SYNE1: variants seen among roughly 807,000 people sequenced by gnomAD.
SYNE1 encodes spectrin repeat containing nuclear envelope protein 1.
A neutral mutation model predicts 1,111.0 loss-of-function variants in SYNE1; 616 were observed. The observed-to-expected ratio is 0.55, with a 90% CI of 0.52 to 0.59. The LOEUF is 0.59. Ranked by LOEUF, SYNE1 falls within the 20% of genes least tolerant of loss-of-function variation. The pLI is 0.00. For missense variants in SYNE1, 10,006 were observed against 10,417.0 expected, an observed-to-expected ratio of 0.96 and a Z score of 1.72; for synonymous variants, 3,855 against 3,825.8, an observed-to-expected ratio of 1.01 and a Z score of -0.28.
At chr6:152,186,323 G>A (rs1332523855) in intron 128 of SYNE1, among the ~76,000 whole-genome samples, 2 of 152,128 alleles carry the variant, frequency 1.3e-5, no homozygotes, top group Non-Finnish European at 2.9e-5. Flanking sequence ...TTGGGAGGCT[G>A]AGGTGGGCAG....
intron 70 of SYNE1, among the ~76,000 whole-genome samples, chr6:152,351,730 C>T (rs1026689683): frequency 6.6e-6 from 1 of 152,108 alleles, no homozygotes; most frequent in Non-Finnish European, 1.5e-5. Context: ...CTGGAGGATC[C>T]AAATACCTGG....
At position 152,318,777 on chromosome 6, in the gene SYNE1, G is replaced by T. The variant is rs534244501; in HGVS notation, c.16389+86C>A. 13 of 1,529,444 alleles carry T rather than the reference G, an allele frequency of 8.5e-6. No individual in the cohort carries two copies. In the South Asian group the frequency reaches 1.6e-4, roughly 18 times the overall value. 94.7% of individuals were successfully genotyped at this position (1,529,444 alleles called of 1,614,324 possible). A position where few individuals can be genotyped will look rare whatever the true frequency, so the allele number is the denominator to read the frequency against. ...TTGGTTTTAAAAAAGGTTCCTAAAA[G>T]GTTTTTATCCTATATCCCCAAGTAA... On this transcript the variant is annotated intron_variant, in intron 85 of 145. Coordinates refer to ENST00000367255, the MANE Select transcript of SYNE1 (RefSeq NM_182961.4).
intron 39 of SYNE1, among the ~76,000 whole-genome samples, chr6:152,420,403 T>G (rs572421720): frequency 6.6e-6 from 1 of 152,310 alleles, no homozygotes; most frequent in East Asian, 1.9e-4. Context: ...CTGGATCACT[T>G]GAAGTCAGGA....
intron 4 of SYNE1, among the ~76,000 whole-genome samples, chr6:152,528,136 T>C (rs2099172709): frequency 6.6e-6 from 1 of 152,178 alleles, no homozygotes; most frequent in African/African-American, 2.4e-5. Context: ...TTCTCCTCTC[T>C]TCTTCCTAAC....
chr6:152,435,611 T>C, intron 33 of SYNE1: 1 of 343,262 alleles, frequency 2.9e-6, no homozygotes, highest in East Asian at 5.1e-5. Context: ...CAGAATAATA[T>C]AGTAAAAAAA....
chr6:152,455,927 T>G lies in SYNE1; in HGVS notation c.2686A>C (p.Arg896=). 1.2e-6 allele frequency: 2 copies of G among 1,614,134 alleles called. No homozygotes were observed. The highest frequency in any genetic ancestry group is 1.7e-6 in the Non-Finnish European group (2 of 1,179,994). ...ATATCTGCAATCTGTCTTTGTAGCC[T>G]CGTCTGATCAAAATGCTTTAACACG... The part of the protein sequence containing the change: ...SNVLKHFDQT[R]LQRQIADIHV... Residue 896 remains arginine, a synonymous_variant, in exon 23 of 146, where the codon AGG becomes CGG. Coordinates refer to ENST00000367255, the MANE Select transcript of SYNE1 (RefSeq NM_182961.4).
At chr6:152,122,764 A>T (rs1027036416) in intron 145 of SYNE1, 88 bp from the exon 146 acceptor site, 1 of 1,596,038 alleles carries the variant, frequency 6.3e-7, no homozygotes, top group Non-Finnish European at 8.5e-7. Flanking sequence ...TGGAAGCTAA[A>T]GGGCCATGCC....
chr6:152,516,350 A>AT (rs1554837337), intron 6 of SYNE1, among the ~76,000 whole-genome samples: 1 of 152,010 alleles, frequency 6.6e-6, no homozygotes, highest in South Asian at 2.1e-4. Flanking sequence ...TTTAAACTTT[A>AT]TTTTTTTTAC....
chr6:152,173,003 G>A (rs1032907926), intron 130 of SYNE1, among the ~76,000 whole-genome samples: 3 of 152,128 alleles, frequency 2.0e-5, no homozygotes, highest in Admixed American at 1.3e-4. Flanking sequence ...ATAGCCATCC[G>A]TAGCTAGTGA....
intron 87 of SYNE1, among the ~76,000 whole-genome samples, chr6:152,312,017 C>T (rs2095567398): frequency 6.6e-6 from 1 of 152,272 alleles, no homozygotes; most frequent in East Asian, 1.9e-4. Context: ...ATCTCCTGAC[C>T]TCGTGATCCG....
intron 98 of SYNE1, among the ~76,000 whole-genome samples, chr6:152,272,120 T>G (rs957453284): frequency 2.6e-5 from 4 of 152,302 alleles, no homozygotes; most frequent in African/African-American, 9.6e-5. Context: ...TTAGACTCAG[T>G]TTTTCAGTGA....
intron 145 of SYNE1, chr6:152,127,760 G>T (rs1438120526): frequency 1.3e-5 from 2 of 152,162 alleles, no homozygotes; most frequent in Non-Finnish European, 2.9e-5. Context: ...CCCAGATAAT[G>T]AAAAGACTTC....
At chr6:152,360,728 T>C (rs2096917662) in intron 64 of SYNE1, among the ~76,000 whole-genome samples, 2 of 152,186 alleles carry the variant, frequency 1.3e-5, no homozygotes, top group South Asian at 2.1e-4. Context: ...AATTAAGCAA[T>C]TAATTATTAT....
chr6:152,191,807 C>A (rs1194550248), intron 127 of SYNE1, among the ~76,000 whole-genome samples: 1 of 151,756 alleles, frequency 6.6e-6, no homozygotes, highest in Non-Finnish European at 1.5e-5. Context: ...TTTGCTCTTG[C>A]TTTTCTAATT....
At chr6:152,254,199 C>A (rs2090240907) in intron 104 of SYNE1, among the ~76,000 whole-genome samples, 1 of 146,464 alleles carries the variant, frequency 6.8e-6, no homozygotes, top group Non-Finnish European at 1.5e-5. Context: ...CTCTTAGGTA[C>A]TACAGTCTAT....
At chr6:152,603,666 T>C (rs994786023) in intron 3 of SYNE1, among the ~76,000 whole-genome samples, 3 of 151,816 alleles carry the variant, frequency 2.0e-5, no homozygotes, top group Non-Finnish European at 4.4e-5. Flanking sequence ...CTCCCTATTC[T>C]ATATCTAGAA....
intron 98 of SYNE1, among the ~76,000 whole-genome samples, chr6:152,269,902 G>T (rs2093058180): frequency 6.6e-6 from 1 of 152,124 alleles, no homozygotes; most frequent in Non-Finnish European, 1.5e-5. Flanking sequence ...TCATATGGGA[G>T]AAAATGTACT....
intron 72 of SYNE1, among the ~76,000 whole-genome samples, chr6:152,347,742 G>A (rs11964313): frequency 0.024 from 3,578 of 148,682 alleles, 151 homozygotes; most frequent in African/African-American, 0.083. Context: ...GTGCAGTGGC[G>A]CAATTTCAGC....
chr6:152,277,235 T>C (rs1342046029), intron 98 of SYNE1, among the ~76,000 whole-genome samples: 1 of 150,456 alleles, frequency 6.6e-6, no homozygotes, highest in Non-Finnish European at 1.5e-5. Flanking sequence ...AAGAAGATTG[T>C]TCTTGCAATC....
Sources: allele counts gnomAD v4.1 joint callset (sites outside exome capture counted in the v4.1 genomes callset), GRCh38; gene constraint gnomAD v4.1.1; transcripts MANE v1.5; gene names NCBI Gene and HGNC (gene_info 2026-07-23, HGNC 2026-07-21).